GLIS3: variants seen among roughly 807,000 people sequenced by gnomAD.
The protein encoded by GLIS3 is zinc finger protein GLIS3.
GLIS3 carries 53 observed loss-of-function variants against 78.6 expected under a neutral mutation model. The observed-to-expected ratio is 0.67, with a 90% CI of 0.54 to 0.85. The LOEUF is 0.85. Among genes scored for constraint, GLIS3 ranks in the 40% least tolerant of loss-of-function variants. The probability of loss-of-function intolerance (pLI) is 0.00; values close to 1 mark genes in which losing one functional copy is unlikely to be tolerated. For synonymous variants in GLIS3, 684 were observed against 509.9 expected, an observed-to-expected ratio of 1.34 and a Z score of -4.60; for missense variants, 1,703 against 1,231.1, an observed-to-expected ratio of 1.38 and a Z score of -5.74.
intron 4 of GLIS3, among the ~76,000 whole-genome samples, chr9:4,032,832 A>G (rs934125885): frequency 6.6e-6 from 1 of 151,898 alleles, no homozygotes; most frequent in Non-Finnish European, 1.5e-5. Context: ...CTGAGGCTGG[A>G]ATGCCAAGTG....
rs573531567 is a variant in GLIS3 at position 3,934,283 on chromosome 9, C to CT, written c.1873-1814dup. 8.5e-5 allele frequency among the ~76,000 whole-genome samples: 13 copies of CT among 152,210 alleles called. No homozygotes were observed. In the East Asian group the frequency reaches 2.5e-3, roughly 29 times the overall value. ...GGCGATCCCATTGTAAAAGCTTATGCTTTGAGCATTAGAGGAGATGTTACA... is the reference window on the plus strand; with the variant it reads ...GGCGATCCCATTGTAAAAGCTTATGCTTTTGAGCATTAGAGGAGATGTTACA... On this transcript the variant is annotated intron_variant, in intron 5 of 10. Coordinates refer to ENST00000381971, the MANE Select transcript of GLIS3 (RefSeq NM_001042413.2).
chr9:4,199,446 CAT>C (rs1819161630), intron 2 of GLIS3, among the ~76,000 whole-genome samples: 1 of 149,616 alleles, frequency 6.7e-6, no homozygotes, highest in South Asian at 2.1e-4. Flanking sequence ...TATAACATAT[CAT>C]ATATAAGTTA....
At chr9:3,855,911 G>T in intron 9 of GLIS3, 98 bp downstream of exon 9, 2 of 1,308,932 alleles carry the variant, frequency 1.5e-6, no homozygotes, top group South Asian at 1.2e-5. Flanking sequence ...GCCTGGTGTA[G>T]AACAGAGCAT....
At chr9:4,201,024 G>C (rs936595952) in intron 2 of GLIS3, among the ~76,000 whole-genome samples, 1 of 151,650 alleles carries the variant, frequency 6.6e-6, no homozygotes, top group South Asian at 2.1e-4. Flanking sequence ...TGCAAGATTG[G>C]TTCATCATAT....
At chr9:4,354,838 C>A in the GLIS3 span, among the ~76,000 whole-genome samples, 2 of 151,992 alleles carry the variant, frequency 1.3e-5, no homozygotes, top group Non-Finnish European at 1.5e-5. Context: ...CCTGAGTAGC[C>A]GGACATGGTG....
intron 4 of GLIS3, among the ~76,000 whole-genome samples, chr9:4,102,184 AC>A (rs1830418615): frequency 1.3e-5 from 2 of 151,994 alleles, no homozygotes; most frequent in Admixed American, 6.6e-5. Context: ...CTATAAGAAA[AC>A]CCCAGGGTCA....
intron 4 of GLIS3, among the ~76,000 whole-genome samples, chr9:4,014,409 A>G (rs1487813017): frequency 6.6e-6 from 1 of 152,198 alleles, no homozygotes; most frequent in Non-Finnish European, 1.5e-5. Context: ...TAATCAGTTA[A>G]GAGGAGGTCA....
At chr9:3,891,065 T>TTAAAAAAAAAAAAAA (rs1822398400) in intron 7 of GLIS3, among the ~76,000 whole-genome samples, 1 of 20,344 alleles carries the variant, frequency 4.9e-5, no homozygotes. Flanking sequence ...CCTTCCTTCC[T>TTAAAAAAAAAAAAAA]CAAAAAAAAA....
chr9:3,908,987 T>C (rs887848000), intron 6 of GLIS3, among the ~76,000 whole-genome samples: 3 of 152,156 alleles, frequency 2.0e-5, no homozygotes, highest in African/African-American at 7.2e-5. Context: ...AAAGGCCTTT[T>C]GTTTTCCCTG....
upstream of GLIS3, among the ~76,000 whole-genome samples, chr9:4,352,199 T>A (rs924264658): frequency 2.0e-5 from 3 of 152,214 alleles, no homozygotes; most frequent in African/African-American, 7.2e-5. Flanking sequence ...TATTAAACTC[T>A]GCCAACATCA....
At position 4,282,037 on chromosome 9, in the gene GLIS3, T is replaced by C. The variant is rs1389847103; in HGVS notation, c.388+4001A>G. On this transcript the variant is annotated intron_variant, in intron 2 of 10. Coordinates refer to ENST00000381971, the MANE Select transcript of GLIS3 (RefSeq NM_001042413.2). The stretch of plus-strand genomic sequence containing the variant: ...CAATTTTTAAATAATATAAATAATA[T>C]CAAATGTATACTTCTCATGAGCCTT... Among the ~76,000 whole-genome samples the C allele has an allele frequency of 2.6e-5, 4 of 152,130 alleles. No homozygotes were observed. In the East Asian group the frequency reaches 7.7e-4, roughly 29 times the overall value.
chr9:4,110,491 A>G (rs1426780732), intron 4 of GLIS3, among the ~76,000 whole-genome samples: 1 of 152,208 alleles, frequency 6.6e-6, no homozygotes, highest in African/African-American at 2.4e-5. Context: ...GTGGCCCAAG[A>G]AAAGGAAAAT....
At chr9:4,199,405 A>T (rs185874852) in intron 2 of GLIS3, among the ~76,000 whole-genome samples, 1 of 151,798 alleles carries the variant, frequency 6.6e-6, no homozygotes, top group Non-Finnish European at 1.5e-5. Flanking sequence ...GAGTATAGGT[A>T]ACTATCCTTA....
intron 4 of GLIS3, among the ~76,000 whole-genome samples, chr9:4,100,971 T>G (rs806030): frequency 1 from 152,198 of 152,272 alleles, 76,062 homozygotes; most frequent in Non-Finnish European, 1. Context: ...AGCCCTGGTG[T>G]GAATGGAGGA....
At chr9:4,048,485 A>AG (rs1451308100) in intron 4 of GLIS3, among the ~76,000 whole-genome samples, 1 of 152,184 alleles carries the variant, frequency 6.6e-6, no homozygotes, top group African/African-American at 2.4e-5. Context: ...TCTCATAAAT[A>AG]GAAAAAAAAA....
At chr9:4,146,863 C>T (rs926755066) in intron 2 of GLIS3, among the ~76,000 whole-genome samples, 5 of 152,156 alleles carry the variant, frequency 3.3e-5, no homozygotes, top group Admixed American at 2.6e-4. Context: ...AGGCCAGAAC[C>T]AATGTACTGG....
intron 4 of GLIS3, among the ~76,000 whole-genome samples, chr9:4,029,587 C>A (rs1823645052): frequency 6.6e-6 from 1 of 150,930 alleles, no homozygotes; most frequent in African/African-American, 2.4e-5. Context: ...CCCTGCCTGT[C>A]CCCCTCCCAA....
chr9:4,416,302 T>C, the GLIS3 span, among the ~76,000 whole-genome samples: 1 of 147,792 alleles, frequency 6.8e-6, no homozygotes, highest in Admixed American at 6.7e-5. Context: ...ATCTTAATAT[T>C]CAATGGAAAA....
chr9:4,280,480 T>C (rs926739857), intron 2 of GLIS3, among the ~76,000 whole-genome samples: 7 of 152,180 alleles, frequency 4.6e-5, no homozygotes, highest in Non-Finnish European at 1.0e-4. Flanking sequence ...GTGGTTCACC[T>C]TACTTGAGAG....
Sources: allele counts gnomAD v4.1 joint callset (sites outside exome capture counted in the v4.1 genomes callset), GRCh38; gene constraint gnomAD v4.1.1; transcripts MANE v1.5; gene names NCBI Gene and HGNC (gene_info 2026-07-23, HGNC 2026-07-21).